Variants in GLP2R observed in about 807,000 individuals in gnomAD.
GLP2R encodes the protein glucagon-like peptide 2 receptor.
Under a neutral mutation model 68.2 loss-of-function variants are expected in GLP2R, and 59 were observed. That is an observed-to-expected ratio of 0.87 (90% confidence interval 0.70 to 1.07). The LOEUF (loss-of-function observed/expected upper bound fraction) is 1.07, where lower values mean the gene tolerates loss of function less well. Ranked by LOEUF, GLP2R falls within the 50% of genes least tolerant of loss-of-function variation. The probability of loss-of-function intolerance (pLI) is 0.00; values close to 1 mark genes in which losing one functional copy is unlikely to be tolerated. For missense variants in GLP2R, 548 were observed against 677.4 expected, an observed-to-expected ratio of 0.81 and a Z score of 2.12; for synonymous variants, 270 against 265.4, an observed-to-expected ratio of 1.02 and a Z score of -0.17.
Position 9,880,446 on chromosome 17 carries a change from CT to C in GLP2R, c.1215del (p.Asp406MetfsTer17). On this transcript the variant is annotated frameshift_variant, in exon 11 of 13. Coordinates refer to ENST00000262441, the MANE Select transcript of GLP2R (RefSeq NM_004246.3). LOFTEE classifies it high-confidence loss of function. ...GVHEILFSFI[T>X]DDQVEGFAKL... ...CATGAGATCCTCTTCTCTTTCATCACTGATGATCAAGTTGAAGGATTTGCAA... is the reference window on the plus strand; with the variant it reads ...CATGAGATCCTCTTCTCTTTCATCACGATGATCAAGTTGAAGGATTTGCAA... 6.3e-7 allele frequency: 1 copy of C among 1,597,904 alleles called. No individual in the cohort carries two copies. The highest frequency in any genetic ancestry group is 8.6e-7 in the Non-Finnish European group (1 of 1,166,764).
intron 9 of GLP2R, among the ~76,000 whole-genome samples, chr17:9,864,783 AGACTGC>A (rs1299066155): frequency 6.6e-6 from 1 of 152,094 alleles, no homozygotes; most frequent in African/African-American, 2.4e-5. Flanking sequence ...TCGGCCTCCC[AGACTGC>A]TGGGATTTCA....
intron 9 of GLP2R, among the ~76,000 whole-genome samples, chr17:9,867,674 A>G (rs559124509): frequency 9.8e-5 from 15 of 152,308 alleles, no homozygotes; most frequent in Admixed American, 9.2e-4. Context: ...TAATTACATC[A>G]TGCAAGGTCA....
intron 9 of GLP2R, among the ~76,000 whole-genome samples, chr17:9,864,239 C>T (rs2067013397): frequency 1.3e-5 from 2 of 152,208 alleles, no homozygotes; most frequent in African/African-American, 4.8e-5. Flanking sequence ...GTAGCACCAG[C>T]ATCGCCTGAG....
chr17:9,842,719 C>G, intron 4 of GLP2R, 103 bp downstream of exon 4: 1 of 1,224,606 alleles, frequency 8.2e-7, no homozygotes. Context: ...AAAGAGGCTT[C>G]TCCAGCGCCT....
At chr17:9,842,945 A>T (rs1056657791) in intron 4 of GLP2R, among the ~76,000 whole-genome samples, 3 of 152,114 alleles carry the variant, frequency 2.0e-5, no homozygotes, top group African/African-American at 7.2e-5. Flanking sequence ...CAGTCCAAAT[A>T]TCTCCTTCAA....
intron 2 of GLP2R, among the ~76,000 whole-genome samples, chr17:9,835,872 C>G (rs921734803): frequency 1.3e-5 from 2 of 151,844 alleles, no homozygotes; most frequent in Non-Finnish European, 2.9e-5. Flanking sequence ...GAAACTGTCT[C>G]TACTAAAAAT....
At chr17:9,857,349 G>A in intron 5 of GLP2R, 74 bp from the exon 6 acceptor site, 3 of 1,311,786 alleles carry the variant, frequency 2.3e-6, no homozygotes, top group Admixed American at 1.8e-5. Flanking sequence ...AGATACACAG[G>A]CATAAAAGGC....
chr17:9,879,146 G>T (rs766076683), intron 10 of GLP2R, among the ~76,000 whole-genome samples: 4 of 151,764 alleles, frequency 2.6e-5, no homozygotes, highest in African/African-American at 4.8e-5. Flanking sequence ...CAGGTGCAGT[G>T]GTTTGCACCT....
chr17:9,857,548 A>C lies in GLP2R; in HGVS notation c.737A>C (p.Glu246Ala), dbSNP rs1239393787. 4 of 1,614,090 alleles carry C rather than the reference A, an allele frequency of 2.5e-6. No individual in the cohort carries two copies. Among genetic ancestry groups the C allele is most frequent in the Non-Finnish European group, 3.4e-6 (4 of 1,180,048 alleles). Residue 246 changes from glutamate (E) to alanine (A), a missense_variant, in exon 6 of 13, where the codon GAG (glutamate) becomes GCG (alanine). Physicochemically the swap from Glu to Ala is moderately radical, Grantham distance 107. Transcript: ENST00000262441. ...TCTTACTCCAAGAGGCCTGACAATG[A>C]GAATGGGTGGATGTCCTACCTGTCA... Reference protein sequence around the residue: ...YNSYSKRPDNENGWMSYLSEM... With the variant: ...YNSYSKRPDNANGWMSYLSEM...
Position 9,869,051 on chromosome 17 carries a change from G to T in GLP2R, c.1057-1696G>T, listed in dbSNP as rs117865694. ...CCTCCATCATTCCTGCTGGCTTCAGGCCCTCACATCCAGTCAATAACAAAG... is the reference window on the plus strand; with the variant it reads ...CCTCCATCATTCCTGCTGGCTTCAGTCCCTCACATCCAGTCAATAACAAAG... On this transcript the variant is annotated intron_variant, in intron 9 of 12. Coordinates refer to ENST00000262441, the MANE Select transcript of GLP2R (RefSeq NM_004246.3). Among the ~76,000 whole-genome samples the T allele has an allele frequency of 3.5e-3, 535 of 152,198 alleles. 2 individuals carry two copies. The highest frequency in any genetic ancestry group is 0.01 in the Middle Eastern group (3 of 294).
At chr17:9,878,982 G>A (rs941442364) in intron 10 of GLP2R, among the ~76,000 whole-genome samples, 1 of 152,022 alleles carries the variant, frequency 6.6e-6, no homozygotes, top group African/African-American at 2.4e-5. Context: ...ATGTGGGTAA[G>A]ACAGTAGCTT....
Position 9,845,756 on chromosome 17 carries a change from T to C in GLP2R, c.504+3140T>C, listed in dbSNP as rs866225496. ...ATTTATGTGTGTGTGTGCGTGTGTG[T>C]GTGTGTGTGTGTGTGTGTAATATTT... On this transcript the variant is annotated intron_variant, in intron 4 of 12. Coordinates refer to ENST00000262441, the MANE Select transcript of GLP2R (RefSeq NM_004246.3). Among the ~76,000 whole-genome samples, 406 of 149,474 alleles carry C rather than the reference T, an allele frequency of 2.7e-3. 2 individuals are homozygous for C. Among genetic ancestry groups the C allele is most frequent in the African/African-American group, 9.9e-3 (390 of 39,434 alleles).
chr17:9,868,864 G>T (rs948896117), intron 9 of GLP2R, among the ~76,000 whole-genome samples: 1 of 152,134 alleles, frequency 6.6e-6, no homozygotes, highest in Non-Finnish European at 1.5e-5. Flanking sequence ...TGTTAAGCTT[G>T]CTTTGTAAGA....
chr17:9,864,410 A>C (rs1421202514), intron 9 of GLP2R, among the ~76,000 whole-genome samples: 1 of 152,180 alleles, frequency 6.6e-6, no homozygotes, highest in Non-Finnish European at 1.5e-5. Context: ...TAGAAACATC[A>C]TGGCGGCTTA....
intron 9 of GLP2R, among the ~76,000 whole-genome samples, chr17:9,864,840 C>T (rs1490608074): frequency 1.3e-5 from 2 of 152,100 alleles, no homozygotes; most frequent in Non-Finnish European, 2.9e-5. Context: ...AGTTTTAAAA[C>T]CCCTGAAATG....
intron 6 of GLP2R, among the ~76,000 whole-genome samples, 177 bp from the exon 7 acceptor site, chr17:9,859,765 G>A (rs1283933805): frequency 7.1e-6 from 1 of 140,646 alleles, no homozygotes; most frequent in Non-Finnish European, 1.5e-5. Context: ...GTTGCAGTGT[G>A]AGCTGAGATT....
chr17:9,844,668 C>CTTTTTTTT (rs71139004), intron 4 of GLP2R, among the ~76,000 whole-genome samples: 591 of 44,312 alleles, frequency 0.013, 211 homozygotes, highest in Non-Finnish European at 0.022. Flanking sequence ...CTACCTAATT[C>CTTTTTTTT]TTTTTTTTTT....
chr17:9,860,609 C>T (rs762300572), intron 7 of GLP2R, among the ~76,000 whole-genome samples: 1 of 152,108 alleles, frequency 6.6e-6, no homozygotes, highest in Non-Finnish European at 1.5e-5. Context: ...ATGAGGACCC[C>T]ACCCTCATGA....
intron 4 of GLP2R, among the ~76,000 whole-genome samples, chr17:9,851,583 C>T (rs1269881681): frequency 6.6e-6 from 1 of 151,788 alleles, no homozygotes; most frequent in Admixed American, 6.6e-5. Flanking sequence ...AGATGAAGTC[C>T]ATAGAGAATA....
Sources: gnomAD v4.1 joint callset for allele counts (sites outside exome capture counted in the v4.1 genomes callset) on GRCh38, gnomAD v4.1.1 for gene constraint, MANE v1.5 for transcripts, NCBI Gene and HGNC (gene_info 2026-07-23, HGNC 2026-07-21) for gene names.